FBXO36: variants seen among roughly 807,000 people sequenced by gnomAD.
The protein encoded by FBXO36 is F-box protein 36, also known as F-box only protein 36.
In FBXO36, 18 loss-of-function variants were observed where a neutral mutation model predicts 17.0. The ratio of observed to expected loss-of-function variants is 1.06; its 90% CI spans 0.73 to 1.57. FBXO36 has a LOEUF of 1.57. FBXO36 is among the 40% of genes most tolerant of loss of function. The pLI is 0.00. For synonymous variants in FBXO36, 83 were observed against 85.3 expected, an observed-to-expected ratio of 0.97 and a Z score of 0.15; for missense variants, 229 against 221.9, an observed-to-expected ratio of 1.03 and a Z score of -0.20.
At chr2:229,961,596 G>C (rs1456383985) in intron 1 of FBXO36, among the ~76,000 whole-genome samples, 1 of 151,998 alleles carries the variant, frequency 6.6e-6, no homozygotes, top group Non-Finnish European at 1.5e-5. Flanking sequence ...CGATGGTCTC[G>C]ATCTCCTGAC....
At chr2:229,954,890 C>A (rs1219744953) in intron 1 of FBXO36, among the ~76,000 whole-genome samples, 1 of 150,828 alleles carries the variant, frequency 6.6e-6, no homozygotes, top group Non-Finnish European at 1.5e-5. Flanking sequence ...CGTTCTATTG[C>A]CCAGGCTGGA....
intron 2 of FBXO36, among the ~76,000 whole-genome samples, chr2:229,995,121 A>C (rs2077318439): frequency 6.6e-6 from 1 of 152,200 alleles, no homozygotes; most frequent in African/African-American, 2.4e-5. Context: ...CTCAAAAAAA[A>C]AAGAGGTAGT....
At chr2:229,944,084 C>T (rs1208738166) in intron 1 of FBXO36, among the ~76,000 whole-genome samples, 1 of 152,152 alleles carries the variant, frequency 6.6e-6, no homozygotes, top group Non-Finnish European at 1.5e-5. Context: ...TTCCAGAGGC[C>T]TCCCCAGCCA....
intron 2 of FBXO36, among the ~76,000 whole-genome samples, chr2:229,987,470 A>G (rs761438960): frequency 6.6e-6 from 1 of 151,972 alleles, no homozygotes; most frequent in Non-Finnish European, 1.5e-5. Flanking sequence ...TTTTTCATAG[A>G]ACTAACTTTT....
At chr2:229,949,071 G>A (rs2077041723) in intron 1 of FBXO36, among the ~76,000 whole-genome samples, 1 of 152,174 alleles carries the variant, frequency 6.6e-6, no homozygotes, top group Non-Finnish European at 1.5e-5. Context: ...CTGACCTCGT[G>A]ATCCGCCCGC....
chr2:229,994,030 C>T (rs2077312338), intron 2 of FBXO36, among the ~76,000 whole-genome samples: 2 of 152,100 alleles, frequency 1.3e-5, no homozygotes, highest in African/African-American at 4.8e-5. Context: ...CCTCAGACTC[C>T]CAAAGTGCTG....
intron 3 of FBXO36, among the ~76,000 whole-genome samples, chr2:230,004,535 A>T (rs1388515789): frequency 6.6e-6 from 1 of 152,160 alleles, no homozygotes; most frequent in African/African-American, 2.4e-5. Flanking sequence ...CAACCATATT[A>T]ACTGTGTTTT....
At chr2:230,004,672 GT>G (rs941196996) in intron 3 of FBXO36, among the ~76,000 whole-genome samples, 237 of 151,154 alleles carry the variant, frequency 1.6e-3, no homozygotes, top group African/African-American at 5.2e-3. Flanking sequence ...TTCTCCATCT[GT>G]TTTTTTTTCT....
chr2:229,982,295 G>A (rs1462104056), intron 2 of FBXO36, among the ~76,000 whole-genome samples: 1 of 151,998 alleles, frequency 6.6e-6, no homozygotes, highest in Non-Finnish European at 1.5e-5. Context: ...CGTAGTGCTG[G>A]GATTACATGC....
At chr2:229,947,119 G>T (rs375057493) in intron 1 of FBXO36, among the ~76,000 whole-genome samples, 10 of 151,562 alleles carry the variant, frequency 6.6e-5, no homozygotes, top group African/African-American at 2.2e-4. Context: ...AGTGAGCCGA[G>T]ATCACACCAT....
At chr2:229,965,306 C>A (rs2077146139) in intron 1 of FBXO36, among the ~76,000 whole-genome samples, 1 of 150,416 alleles carries the variant, frequency 6.6e-6, no homozygotes. Context: ...TCTACTTGCA[C>A]TTTTTCCTGG....
rs1306544137 is a variant in FBXO36, at chr2:229,922,742, A to C, written c.96+133A>C. 4 of 877,106 alleles carry C rather than the reference A, an allele frequency of 4.6e-6. No individual in the cohort carries two copies. In the East Asian group the frequency reaches 1.1e-4, roughly 24 times the overall value. 54.3% of individuals were successfully genotyped at this position (877,106 alleles called of 1,614,324 possible). A position where few individuals can be genotyped will look rare whatever the true frequency, so the allele number is the denominator to read the frequency against. Reference sequence around the variant, plus strand: ...CGCCCAGTCCCGGCTCCGCGCCGGGAGATTTTCCTCGTCACCTCGGCCTCC... The same window carrying C: ...CGCCCAGTCCCGGCTCCGCGCCGGGCGATTTTCCTCGTCACCTCGGCCTCC... On this transcript the variant is annotated intron_variant, in intron 1 of 3. Coordinates refer to ENST00000283946, the MANE Select transcript of FBXO36 (RefSeq NM_174899.5).
chr2:229,969,583 T>C (rs576782926), intron 1 of FBXO36, among the ~76,000 whole-genome samples: 2 of 151,688 alleles, frequency 1.3e-5, no homozygotes, highest in Admixed American at 6.6e-5. Flanking sequence ...AGCTACTCAG[T>C]AGGCTGAGAC....
chr2:230,009,476 G>A (rs552435752), intron 3 of FBXO36, among the ~76,000 whole-genome samples: 8 of 152,264 alleles, frequency 5.3e-5, no homozygotes, highest in African/African-American at 1.9e-4. Flanking sequence ...GGTGTGCAGT[G>A]GCAAAAGTTA....
At chr2:229,958,492 A>G (rs2077103390) in intron 1 of FBXO36, among the ~76,000 whole-genome samples, 1 of 152,048 alleles carries the variant, frequency 6.6e-6, no homozygotes, top group Admixed American at 6.6e-5. Flanking sequence ...GCTGATCTCG[A>G]ACTCCTGACC....
intron 2 of FBXO36, among the ~76,000 whole-genome samples, chr2:229,996,446 A>G (rs182211960): frequency 6.6e-6 from 1 of 152,096 alleles, no homozygotes; most frequent in South Asian, 2.1e-4. Flanking sequence ...GCCAAGACCA[A>G]TTACGTTAGT....
At chr2:229,984,534 G>A (rs940788043) in intron 2 of FBXO36, among the ~76,000 whole-genome samples, 2 of 150,788 alleles carry the variant, frequency 1.3e-5, no homozygotes, top group East Asian at 4.0e-4. Flanking sequence ...GACTACAGGC[G>A]CCCGCCAGCA....
At chr2:229,985,138 TTTATAA>T (rs1345557777) in intron 2 of FBXO36, among the ~76,000 whole-genome samples, 1 of 152,188 alleles carries the variant, frequency 6.6e-6, no homozygotes, top group Non-Finnish European at 1.5e-5. Flanking sequence ...TTATGCCAAC[TTTATAA>T]TTATGCTACT....
At position 229,927,857 on chromosome 2, in the gene FBXO36, A is replaced by C. The variant is rs562210249; in HGVS notation, c.96+5248A>C. On this transcript the variant is annotated intron_variant, in intron 1 of 3. Transcript: ENST00000283946. Reference sequence around the variant, plus strand: ...AAAGACTGAAAACACCTGAGGTTGCATGCCAGCCTGTGACAGGAAGCTGTC... The same window carrying C: ...AAAGACTGAAAACACCTGAGGTTGCCTGCCAGCCTGTGACAGGAAGCTGTC... 1.6e-4 allele frequency among the ~76,000 whole-genome samples: 25 copies of C among 152,316 alleles called. No homozygotes were observed. The South Asian group carries it at 5.2e-3, about 32-fold the overall frequency.
Sources: gnomAD v4.1 joint callset for allele counts (sites outside exome capture counted in the v4.1 genomes callset) on GRCh38, gnomAD v4.1.1 for gene constraint, MANE v1.5 for transcripts, NCBI Gene and HGNC (gene_info 2026-07-23, HGNC 2026-07-21) for gene names.